KHDRBS3: variants seen among roughly 807,000 people sequenced by gnomAD.
KHDRBS3 encodes the protein KH domain-containing, RNA-binding, signal transduction-associated protein 3.
In KHDRBS3, 23 loss-of-function variants were observed where a neutral mutation model predicts 45.6. That is an observed-to-expected ratio of 0.50 (90% confidence interval 0.36 to 0.72). KHDRBS3 has a LOEUF of 0.72. Among genes scored for constraint, KHDRBS3 ranks in the 30% least tolerant of loss-of-function variants. KHDRBS3 has a pLI of 0.00. For synonymous variants in KHDRBS3, 162 were observed against 156.5 expected, an observed-to-expected ratio of 1.04 and a Z score of -0.26; for missense variants, 352 against 424.8, an observed-to-expected ratio of 0.83 and a Z score of 1.51.
chr8:135,471,755 A>T (rs1822025953), intron 1 of KHDRBS3, among the ~76,000 whole-genome samples: 1 of 152,188 alleles, frequency 6.6e-6, no homozygotes, highest in Non-Finnish European at 1.5e-5. Context: ...CTGAGCTCGT[A>T]GGGCTCCCTG....
intron 3 of KHDRBS3, among the ~76,000 whole-genome samples, 171 bp downstream of exon 3, chr8:135,542,941 C>G (rs1212376826): frequency 6.6e-6 from 1 of 152,198 alleles, no homozygotes; most frequent in East Asian, 1.9e-4. Flanking sequence ...AAACCTGCAT[C>G]TGTAACCTTT....
At chr8:135,480,204 A>G (rs1822494594) in intron 1 of KHDRBS3, among the ~76,000 whole-genome samples, 1 of 152,190 alleles carries the variant, frequency 6.6e-6, no homozygotes, top group Admixed American at 6.5e-5. Flanking sequence ...CACAGGTACC[A>G]TTATATTTGT....
At chr8:135,606,822 A>G (rs1829486142) in intron 6 of KHDRBS3, 133 bp from the exon 7 acceptor site, 1 of 571,094 alleles carries the variant, frequency 1.8e-6, no homozygotes, top group South Asian at 3.1e-5. Flanking sequence ...TCACTCCTAT[A>G]TTTTTCTTTA....
intron 1 of KHDRBS3, among the ~76,000 whole-genome samples, chr8:135,500,243 A>G (rs1823666702): frequency 6.6e-6 from 1 of 151,792 alleles, no homozygotes. Flanking sequence ...ATAAGCCAGG[A>G]TTTGGTAGTT....
chr8:135,469,306 A>T (rs1821856829), intron 1 of KHDRBS3, among the ~76,000 whole-genome samples: 1 of 152,172 alleles, frequency 6.6e-6, no homozygotes, highest in Non-Finnish European at 1.5e-5. Flanking sequence ...TTTTTTTGAG[A>T]CGGAGTCTCG....
At chr8:135,486,011 G>A (rs745483277) in intron 1 of KHDRBS3, among the ~76,000 whole-genome samples, 177 of 152,062 alleles carry the variant, frequency 1.2e-3, no homozygotes, top group Non-Finnish European at 2.0e-3. Context: ...CTGGACCAGA[G>A]GGCACAGAGC....
chr8:135,465,806 C>T (rs1821666924), intron 1 of KHDRBS3, among the ~76,000 whole-genome samples: 1 of 152,060 alleles, frequency 6.6e-6, no homozygotes, highest in South Asian at 2.1e-4. Flanking sequence ...AAAGGTGCTC[C>T]TAGCATATTA....
intron 1 of KHDRBS3, among the ~76,000 whole-genome samples, chr8:135,499,004 G>C (rs973701011): frequency 2.0e-5 from 3 of 152,100 alleles, no homozygotes; most frequent in Non-Finnish European, 4.4e-5. Flanking sequence ...TATACTCTTA[G>C]AATTTACTGA....
chr8:135,642,283 T>C (rs1274898297), intron 7 of KHDRBS3, among the ~76,000 whole-genome samples: 2 of 152,236 alleles, frequency 1.3e-5, no homozygotes, highest in Non-Finnish European at 2.9e-5. Flanking sequence ...GCTTTGAGTG[T>C]AGGTGCTGCC....
intron 1 of KHDRBS3, among the ~76,000 whole-genome samples, chr8:135,490,914 C>T (rs1271351268): frequency 3.3e-5 from 5 of 152,164 alleles, no homozygotes; most frequent in Non-Finnish European, 1.5e-5. Context: ...ATTGGTAATA[C>T]ATGTAATTCA....
intron 7 of KHDRBS3, among the ~76,000 whole-genome samples, chr8:135,642,748 A>G (rs1328523303): frequency 6.6e-6 from 1 of 151,646 alleles, no homozygotes; most frequent in Non-Finnish European, 1.5e-5. Context: ...CCTATATTCT[A>G]TGTGTGGAAG....
intron 1 of KHDRBS3, among the ~76,000 whole-genome samples, chr8:135,467,541 G>A (rs1028069115): frequency 2.6e-5 from 4 of 152,214 alleles, no homozygotes; most frequent in African/African-American, 9.7e-5. Flanking sequence ...TTTCGTGATA[G>A]GCATTTTGGA....
At position 135,516,607 on chromosome 8, in the gene KHDRBS3, G is replaced by A. The variant is rs1450528969; in HGVS notation, c.89-4630G>A. On this transcript the variant is annotated intron_variant, in intron 1 of 8. Transcript: ENST00000355849. ...GTGTGTGTGTGTGTGTGAGTAAACA[G>A]TGCATTTGGTACCGATCTTTGACTA... Among the ~76,000 whole-genome samples, 7 of 112,546 alleles carry A rather than the reference G, an allele frequency of 6.2e-5. No individual in the cohort carries two copies. In the South Asian group the frequency reaches 2.0e-3, roughly 32 times the overall value. The allele number at this position is 112,546 out of a possible 152,430, so 73.8% of individuals were successfully genotyped here.
intron 7 of KHDRBS3, among the ~76,000 whole-genome samples, chr8:135,642,701 T>G (rs1211516700): frequency 6.6e-6 from 1 of 152,170 alleles, no homozygotes; most frequent in South Asian, 2.1e-4. Context: ...TTAATTAGCT[T>G]GTAAGGATAT....
At chr8:135,626,599 C>G (rs1003722019) in intron 7 of KHDRBS3, among the ~76,000 whole-genome samples, 9 of 152,070 alleles carry the variant, frequency 5.9e-5, no homozygotes, top group Non-Finnish European at 1.0e-4. Flanking sequence ...GTCAGGAGAT[C>G]GAGACCATCT....
intron 5 of KHDRBS3, among the ~76,000 whole-genome samples, chr8:135,564,260 C>T (rs1371408924): frequency 6.6e-6 from 1 of 152,128 alleles, no homozygotes; most frequent in Non-Finnish European, 1.5e-5. Flanking sequence ...AAACAATAAA[C>T]ATTATCTGAA....
intron 1 of KHDRBS3, among the ~76,000 whole-genome samples, chr8:135,468,330 T>G (rs1821803402): frequency 6.6e-6 from 1 of 152,190 alleles, no homozygotes; most frequent in Admixed American, 6.5e-5. Flanking sequence ...GGTGCCCTGG[T>G]TTCTTTTAGT....
At chr8:135,579,221 T>G (rs762862889) in intron 5 of KHDRBS3, among the ~76,000 whole-genome samples, 1 of 152,208 alleles carries the variant, frequency 6.6e-6, no homozygotes, top group South Asian at 2.1e-4. Context: ...AGGTGGGACT[T>G]CTAGCATAGT....
intron 1 of KHDRBS3, among the ~76,000 whole-genome samples, chr8:135,512,504 A>G (rs962188844): frequency 6.7e-6 from 1 of 150,220 alleles, no homozygotes; most frequent in Non-Finnish European, 1.5e-5. Context: ...GATTTGAATT[A>G]TTCAGTTATT....
Sources: gnomAD v4.1 joint callset for allele counts (sites outside exome capture counted in the v4.1 genomes callset) on GRCh38, gnomAD v4.1.1 for gene constraint, MANE v1.5 for transcripts, NCBI Gene and HGNC (gene_info 2026-07-23, HGNC 2026-07-21) for gene names.